Variants in RSF1 observed in about 807,000 individuals in gnomAD.
RSF1 encodes HBV pX-associated protein 8.
Under a neutral mutation model 145.2 loss-of-function variants are expected in RSF1, and 13 were observed. That is an observed-to-expected ratio of 0.09 (90% CI 0.06 to 0.14). The LOEUF is 0.14. Ranked by LOEUF, RSF1 falls within the 10% of genes least tolerant of loss-of-function variation. The pLI, the probability that RSF1 is intolerant of heterozygous loss-of-function variation, is 1.00. For missense variants in RSF1, 1,517 were observed against 1,718.2 expected, an observed-to-expected ratio of 0.88 and a Z score of 2.07; for synonymous variants, 577 against 592.6, an observed-to-expected ratio of 0.97 and a Z score of 0.38.
At chr11:77,676,309 G>C (rs561382943) in intron 13 of RSF1, among the ~76,000 whole-genome samples, 1 of 143,258 alleles carries the variant, frequency 7.0e-6, no homozygotes, top group East Asian at 2.0e-4. Context: ...TTATATACTT[G>C]TTTCCTCTTC....
At chr11:77,832,518 G>A in the RSF1 span, among the ~76,000 whole-genome samples, 10 of 151,924 alleles carry the variant, frequency 6.6e-5, no homozygotes, top group African/African-American at 2.4e-5. Flanking sequence ...CAGAGGCAGG[G>A]TTTCTCCATG....
the RSF1 span, among the ~76,000 whole-genome samples, chr11:77,833,207 C>T: frequency 1.1e-4 from 16 of 151,092 alleles, no homozygotes; most frequent in Non-Finnish European, 1.8e-4. Flanking sequence ...ATGGGGTTTT[C>T]GCCATGTTGG....
Position 77,666,946 on chromosome 11 carries a change from C to A in RSF1, c.4297G>T (p.Asp1433Tyr). ...DELLRVTDLV[D>Y]YVCNSEQL ...AACTGTTCACTGTTACAGACATAAT[C>A]AACAAGGTCAGTCACTCTCAAAAGC... is the stretch of plus-strand genomic sequence containing the variant. The change falls in exon 16 of 16, where the codon GAT (aspartate) becomes TAT (tyrosine). Residue 1433 changes from aspartate (D) to tyrosine (Y), a missense_variant. This residue lies in a region of RSF1 where 10 missense variants were observed against 29.5 expected (regional missense o/e 0.34). Transcript: ENST00000308488. The A allele has an allele frequency of 6.3e-7, 1 of 1,587,576 alleles. No homozygotes were observed. The highest frequency in any genetic ancestry group is 8.6e-7 in the Non-Finnish European group (1 of 1,163,792).
the RSF1 span, among the ~76,000 whole-genome samples, chr11:77,832,949 ATATG>A: frequency 3.4e-3 from 329 of 96,284 alleles, 9 homozygotes; most frequent in Middle Eastern, 9.4e-3. Flanking sequence ...TTGTATATAT[ATATG>A]TGTGTGTGTG....
chr11:77,720,008 G>A (rs757221399), intron 5 of RSF1, among the ~76,000 whole-genome samples: 15 of 152,132 alleles, frequency 9.9e-5, no homozygotes, highest in Non-Finnish European at 1.9e-4. Flanking sequence ...TTCTAAGTGG[G>A]TACAGAGTTT....
intron 1 of RSF1, among the ~76,000 whole-genome samples, chr11:77,793,886 G>A (rs1232270610): frequency 2.0e-5 from 3 of 152,012 alleles, no homozygotes; most frequent in African/African-American, 7.2e-5. Flanking sequence ...CTCAGGGGTA[G>A]CTATACATAA....
At position 77,747,041 on chromosome 11, in the gene RSF1, A is replaced by C; in HGVS notation, c.367T>G (p.Leu123Val). 6.3e-7 allele frequency: 1 copy of C among 1,576,090 alleles called. No homozygotes were observed. Among genetic ancestry groups the C allele is most frequent in the South Asian group, 1.1e-5 (1 of 89,936 alleles). ...EMSVECKLALLKYLCECQFDD... is the reference protein window; with the variant it reads ...EMSVECKLALVKYLCECQFDD... ...ACAAATAATAGATTTATTACCTTTA[A>C]GAGTGCTAGTTTGCATTCAACACTC... is the stretch of plus-strand genomic sequence containing the variant. Residue 123 changes from leucine (L) to valine (V), a missense_variant, in exon 3 of 16, where the codon TTA (leucine) becomes GTA (valine). Leu to Val is a conservative substitution (Grantham distance 32). Around this residue, in one of 12 missense-constraint regions of RSF1, gnomAD observed 94 missense variants for 143.6 expected, o/e 0.65. Coordinates refer to ENST00000308488, the MANE Select transcript of RSF1 (RefSeq NM_016578.4).
At chr11:77,769,808 A>G (rs977523423) in intron 1 of RSF1, among the ~76,000 whole-genome samples, 3 of 152,252 alleles carry the variant, frequency 2.0e-5, no homozygotes, top group Non-Finnish European at 4.4e-5. Flanking sequence ...ATTAATTCTT[A>G]TTCTTCAATA....
Position 77,672,143 on chromosome 11 carries a change from T to C in RSF1, c.3650A>G (p.Tyr1217Cys). 3 of 1,614,108 alleles carry C rather than the reference T, an allele frequency of 1.9e-6. No individual in the cohort carries two copies. The highest frequency in any genetic ancestry group is 2.5e-6 in the Non-Finnish European group (3 of 1,180,006). Residue 1217 changes from tyrosine to cysteine, a missense_variant, in exon 15 of 16, where the codon TAC becomes TGC. Tyr to Cys is a radical substitution (Grantham distance 194). Around this residue, in one of 12 missense-constraint regions of RSF1, gnomAD observed 9 missense variants for 23.0 expected, o/e 0.39. Coordinates refer to ENST00000308488, the MANE Select transcript of RSF1 (RefSeq NM_016578.4). The part of the protein sequence containing the change: ...SRRNQKRQIN[Y>C]KEDSESDGSQ... The stretch of plus-strand genomic sequence containing the variant: ...ACCGTCACTTTCTGAGTCTTCTTTG[T>C]AGTTAATTTGTCTTTTCTGATTTCT...
chr11:77,832,413 G>A, the RSF1 span, among the ~76,000 whole-genome samples: 15 of 148,424 alleles, frequency 1.0e-4, no homozygotes, highest in African/African-American at 3.2e-4. Context: ...TGCAACCTCC[G>A]CCTCCCGGGT....
chr11:77,790,725 T>C (rs756165885), intron 1 of RSF1, among the ~76,000 whole-genome samples: 18 of 152,218 alleles, frequency 1.2e-4, no homozygotes, highest in African/African-American at 1.7e-4. Context: ...TACAGGCCTC[T>C]TGAAAGTCCG....
At chr11:77,807,534 G>T (rs1328001735) in intron 1 of RSF1, among the ~76,000 whole-genome samples, 1 of 152,182 alleles carries the variant, frequency 6.6e-6, no homozygotes, top group African/African-American at 2.4e-5. Flanking sequence ...ACCATGCAAA[G>T]TAAACAAAAG....
chr11:77,733,809 A>G (rs1961267912), intron 4 of RSF1, among the ~76,000 whole-genome samples: 1 of 152,146 alleles, frequency 6.6e-6, no homozygotes, highest in Non-Finnish European at 1.5e-5. Flanking sequence ...CAAACTGCTC[A>G]CCTGGGCCTC....
At chr11:77,669,700 T>C (rs1959468914) in intron 15 of RSF1, among the ~76,000 whole-genome samples, 1 of 152,232 alleles carries the variant, frequency 6.6e-6, no homozygotes, top group East Asian at 1.9e-4. Flanking sequence ...CACAGCACTA[T>C]TTATCATCAG....
chr11:77,790,177 T>G (rs745458682), intron 1 of RSF1, among the ~76,000 whole-genome samples: 1 of 152,226 alleles, frequency 6.6e-6, no homozygotes, highest in Non-Finnish European at 1.5e-5. Flanking sequence ...TTTATTGGAC[T>G]TATAGTTCCA....
intron 1 of RSF1, among the ~76,000 whole-genome samples, chr11:77,790,671 A>G (rs1000601679): frequency 1.3e-5 from 2 of 152,204 alleles, no homozygotes; most frequent in Non-Finnish European, 2.9e-5. Context: ...AAGTTGATAA[A>G]TACAGCCATT....
intron 14 of RSF1, among the ~76,000 whole-genome samples, chr11:77,674,693 C>G (rs1959644936): frequency 6.6e-6 from 1 of 152,296 alleles, no homozygotes; most frequent in South Asian, 2.1e-4. Context: ...CTCTTAACTC[C>G]AGAAGTCATA....
chr11:77,707,935 A>G (rs1324931515), intron 5 of RSF1, among the ~76,000 whole-genome samples: 1 of 152,256 alleles, frequency 6.6e-6, no homozygotes, highest in Non-Finnish European at 1.5e-5. Flanking sequence ...AATGACTAGA[A>G]AGAAACAGAA....
At chr11:77,671,173 A>G (rs56846909) in intron 15 of RSF1, among the ~76,000 whole-genome samples, 1 of 95,934 alleles carries the variant, frequency 1.0e-5, no homozygotes, top group African/African-American at 4.3e-5. Flanking sequence ...ATATATATAT[A>G]TATATTTATA....
Sources: gnomAD v4.1 joint callset for allele counts (sites outside exome capture counted in the v4.1 genomes callset) on GRCh38, gnomAD v4.1.1 for gene constraint, gnomAD v4.1.1 regional missense constraint, MANE v1.5 for transcripts, NCBI Gene and HGNC (gene_info 2026-07-23, HGNC 2026-07-21) for gene names.